The following CFAP61 variants were observed in gnomAD, a reference collection of about 807,000 sequenced individuals.
CFAP61 encodes the protein cilia- and flagella-associated protein 61.
Under a neutral mutation model 135.6 loss-of-function variants are expected in CFAP61, and 107 were observed. The ratio of observed to expected loss-of-function variants is 0.79; its 90% confidence interval spans 0.67 to 0.93. The LOEUF (loss-of-function observed/expected upper bound fraction) is 0.93. Among genes scored for constraint, CFAP61 ranks in the 40% least tolerant of loss-of-function variants. CFAP61 has a pLI of 0.00. For missense variants in CFAP61, 1,507 were observed against 1,556.2 expected, an observed-to-expected ratio of 0.97 and a Z score of 0.53; for synonymous variants, 575 against 578.5, an observed-to-expected ratio of 0.99 and a Z score of 0.09.
At chr20:20,121,308 C>T (rs2049609796) in intron 8 of CFAP61, among the ~76,000 whole-genome samples, 1 of 151,138 alleles carries the variant, frequency 6.6e-6, no homozygotes, top group East Asian at 1.9e-4. Context: ...GGGGTTTTGC[C>T]ACATTGTCCA....
At chr20:20,260,852 C>G (rs2052122174) in intron 20 of CFAP61, among the ~76,000 whole-genome samples, 1 of 152,140 alleles carries the variant, frequency 6.6e-6, no homozygotes. Context: ...ATTTTATTTT[C>G]TTTTATGCTA....
At chr20:20,117,007 A>C (rs1447565786) in intron 8 of CFAP61, among the ~76,000 whole-genome samples, 1 of 152,168 alleles carries the variant, frequency 6.6e-6, no homozygotes, top group Non-Finnish European at 1.5e-5. Flanking sequence ...TCCCAGCACC[A>C]TTTATTGATG....
intron 22 of CFAP61, among the ~76,000 whole-genome samples, chr20:20,285,563 C>T (rs1012159385): frequency 6.6e-6 from 1 of 152,086 alleles, no homozygotes; most frequent in Non-Finnish European, 1.5e-5. Flanking sequence ...ACTCTTTCCT[C>T]TATCATCTCT....
rs4813385 is a variant in CFAP61 at position 20,314,411 on chromosome 20, C to A, written c.3422+16025C>A. Among the ~76,000 whole-genome samples the A allele has an allele frequency of 6.1e-3, 666 of 108,320 alleles. 24 individuals carry two copies. The highest frequency in any genetic ancestry group is 0.036 in the Admixed American group (364 of 10,040). 71.1% of individuals were successfully genotyped at this position (108,320 alleles called of 152,430 possible). ...CATCTCAAAAAAAAAAAAAAAAAATCAACATGAGTTTTGTTGGGGAAAAAG... is the reference window on the plus strand; with the variant it reads ...CATCTCAAAAAAAAAAAAAAAAAATAAACATGAGTTTTGTTGGGGAAAAAG... On this transcript the variant is annotated intron_variant, in intron 25 of 26. Coordinates refer to ENST00000245957, the MANE Select transcript of CFAP61 (RefSeq NM_015585.4).
intron 24 of CFAP61, among the ~76,000 whole-genome samples, chr20:20,294,962 A>AATG (rs1318724819): frequency 6.8e-6 from 1 of 147,958 alleles, no homozygotes; most frequent in Non-Finnish European, 1.5e-5. Flanking sequence ...TAATAATAAT[A>AATG]ATAATAATAA....
chr20:20,254,764 C>T (rs2424298), intron 20 of CFAP61, among the ~76,000 whole-genome samples: 22,765 of 152,238 alleles, frequency 0.15, 1,848 homozygotes, highest in Middle Eastern at 0.24. Flanking sequence ...AGACAACCCT[C>T]TATAAAATGT....
intron 7 of CFAP61, among the ~76,000 whole-genome samples, chr20:20,093,350 G>A (rs541148029): frequency 1.3e-5 from 2 of 152,228 alleles, no homozygotes; most frequent in African/African-American, 2.4e-5. Flanking sequence ...TGGTTGGTGG[G>A]GGGATGAAAA....
intron 25 of CFAP61, among the ~76,000 whole-genome samples, chr20:20,324,875 C>T (rs182142338): frequency 1.3e-5 from 2 of 152,200 alleles, no homozygotes; most frequent in East Asian, 3.9e-4. Context: ...TCATTCTTTG[C>T]CCATTTTTAA....
At chr20:20,110,363 A>G (rs1357971884) in intron 8 of CFAP61, among the ~76,000 whole-genome samples, 1 of 152,104 alleles carries the variant, frequency 6.6e-6, no homozygotes, top group Non-Finnish European at 1.5e-5. Context: ...GAAACTTCTC[A>G]AAAACATTCA....
At chr20:20,191,128 T>C (rs1286932483) in intron 14 of CFAP61, among the ~76,000 whole-genome samples, 1 of 151,612 alleles carries the variant, frequency 6.6e-6, no homozygotes, top group African/African-American at 2.4e-5. Flanking sequence ...AAAATAATAA[T>C]AATAACAATA....
At chr20:20,324,279 T>C (rs557487750) in intron 25 of CFAP61, among the ~76,000 whole-genome samples, 303 of 152,192 alleles carry the variant, frequency 2.0e-3, no homozygotes, top group Middle Eastern at 0.01. Context: ...ACTGAACTTT[T>C]CTCCCTCCGC....
At chr20:20,290,769 G>C (rs553012243) in intron 24 of CFAP61, among the ~76,000 whole-genome samples, 1 of 152,296 alleles carries the variant, frequency 6.6e-6, no homozygotes, top group East Asian at 1.9e-4. Flanking sequence ...GAGGACTCCT[G>C]CACCAGTCAT....
chr20:20,061,095 CTGGAACAGA>C (rs1419761142), intron 2 of CFAP61, among the ~76,000 whole-genome samples: 1 of 152,046 alleles, frequency 6.6e-6, no homozygotes, highest in East Asian at 1.9e-4. Context: ...CAGTTGATAA[CTGGAACAGA>C]TAATAAAGAC....
intron 16 of CFAP61, among the ~76,000 whole-genome samples, chr20:20,197,004 T>C (rs929224080): frequency 6.6e-6 from 1 of 152,224 alleles, no homozygotes; most frequent in Non-Finnish European, 1.5e-5. Flanking sequence ...GTACAATATG[T>C]TGGCTTTTCT....
chr20:20,350,226 G>A (rs779803526), intron 26 of CFAP61, among the ~76,000 whole-genome samples: 25 of 152,180 alleles, frequency 1.6e-4, no homozygotes, highest in African/African-American at 6.0e-4. Context: ...CTGAATTGCT[G>A]GTGGGAACAT....
At chr20:20,325,389 C>G (rs2057705977) in intron 25 of CFAP61, among the ~76,000 whole-genome samples, 1 of 152,214 alleles carries the variant, frequency 6.6e-6, no homozygotes, top group Non-Finnish European at 1.5e-5. Context: ...CCTACTCGTG[C>G]CTTCCTCCTG....
In CFAP61 at chr20:20,128,423, G is replaced by T. The variant is rs972730258; in HGVS notation, c.860-14434G>T. Among the ~76,000 whole-genome samples the T allele has an allele frequency of 2.6e-5, 4 of 151,602 alleles. 1 individual carries two copies. The highest frequency in any genetic ancestry group is 9.8e-5 in the African/African-American group (4 of 40,970). On this transcript the variant is annotated intron_variant, in intron 8 of 26. Coordinates refer to ENST00000245957, the MANE Select transcript of CFAP61 (RefSeq NM_015585.4). ...CTAAATTGACTCAGCTCCAGGTAAGGTCAGAAATTTCTCCCACAAACAGAC... is the reference window on the plus strand; with the variant it reads ...CTAAATTGACTCAGCTCCAGGTAAGTTCAGAAATTTCTCCCACAAACAGAC...
chr20:20,149,056 A>C (rs1007405895), intron 9 of CFAP61, among the ~76,000 whole-genome samples: 1 of 152,256 alleles, frequency 6.6e-6, no homozygotes, highest in East Asian at 1.9e-4. Flanking sequence ...ACATGCAGAC[A>C]AAACCACTAC....
chr20:20,222,027 C>T (rs901983242), intron 17 of CFAP61: 1 of 152,160 alleles, frequency 6.6e-6, no homozygotes, highest in African/African-American at 2.4e-5. Flanking sequence ...AACTATGCCA[C>T]TGCTACTGCC....
Sources: gnomAD v4.1 joint callset for allele counts (sites outside exome capture counted in the v4.1 genomes callset) on GRCh38, gnomAD v4.1.1 for gene constraint, MANE v1.5 for transcripts, NCBI Gene and HGNC (gene_info 2026-07-23, HGNC 2026-07-21) for gene names.